Variants in LRRTM4 observed in about 807,000 individuals in gnomAD.
LRRTM4 encodes the protein leucine rich repeat transmembrane neuronal 4.
In LRRTM4, 25 loss-of-function variants were observed where a neutral mutation model predicts 47.6. The observed-to-expected ratio is 0.53, with a 90% CI of 0.38 to 0.73. The LOEUF is 0.73. Among genes scored for constraint, LRRTM4 ranks in the 30% least tolerant of loss-of-function variants. LRRTM4 has a pLI of 0.00. For synonymous variants in LRRTM4, 311 were observed against 269.5 expected (o/e 1.15, Z -1.51); for missense variants, 638 against 713.4 (o/e 0.89, Z 1.20).
chr2:76,749,146 T>C (rs1197483043), intron 3 of LRRTM4, among the ~76,000 whole-genome samples: 2 of 152,234 alleles, frequency 1.3e-5, no homozygotes, highest in Admixed American at 1.3e-4. Flanking sequence ...TTTCAACTTT[T>C]CATTGCTCTA....
chr2:77,154,481 G>A (rs1387047733), intron 3 of LRRTM4, among the ~76,000 whole-genome samples: 1 of 152,066 alleles, frequency 6.6e-6, no homozygotes, highest in Non-Finnish European at 1.5e-5. Flanking sequence ...ACTAGTATAG[G>A]CATGGACATA....
At chr2:76,938,494 T>C (rs904900129) in intron 3 of LRRTM4, among the ~76,000 whole-genome samples, 10 of 152,186 alleles carry the variant, frequency 6.6e-5, no homozygotes, top group South Asian at 6.2e-4. Context: ...AATTGCTTTT[T>C]ATTGTTTGTA....
chr2:77,407,707 TATATC>T (rs1674265933), intron 3 of LRRTM4, among the ~76,000 whole-genome samples: 1 of 131,624 alleles, frequency 7.6e-6, no homozygotes, highest in Non-Finnish European at 1.6e-5. Context: ...ATATATATAA[TATATC>T]ATATATTATA....
intron 3 of LRRTM4, among the ~76,000 whole-genome samples, chr2:76,806,586 C>T (rs1046999107): frequency 1.5e-4 from 21 of 139,508 alleles, no homozygotes; most frequent in African/African-American, 5.9e-4. Context: ...CGTCTCAAAA[C>T]ATTTTTTTTA....
chr2:76,809,043 C>A (rs1670649355), intron 3 of LRRTM4, among the ~76,000 whole-genome samples: 1 of 152,080 alleles, frequency 6.6e-6, no homozygotes, highest in African/African-American at 2.4e-5. Context: ...TTATCTTTCT[C>A]CATGATCTTC....
intron 3 of LRRTM4, among the ~76,000 whole-genome samples, chr2:76,778,799 C>T (rs557502895): frequency 2.7e-5 from 4 of 150,634 alleles, no homozygotes; most frequent in African/African-American, 9.8e-5. Flanking sequence ...TTGCCTTCTG[C>T]TAGCTTTTGA....
intron 3 of LRRTM4, among the ~76,000 whole-genome samples, chr2:77,283,864 T>C (rs994890205): frequency 6.6e-6 from 1 of 152,010 alleles, no homozygotes; most frequent in Admixed American, 6.6e-5. Flanking sequence ...AAACTACCTA[T>C]TGATCATTAT....
intron 3 of LRRTM4, among the ~76,000 whole-genome samples, chr2:77,293,287 A>G (rs1676880656): frequency 6.6e-6 from 1 of 152,170 alleles, no homozygotes; most frequent in African/African-American, 2.4e-5. Flanking sequence ...TTTTATGCCA[A>G]TACAAACATA....
chr2:77,085,263 T>C (rs977293281), intron 3 of LRRTM4, among the ~76,000 whole-genome samples: 2 of 152,016 alleles, frequency 1.3e-5, no homozygotes, highest in Admixed American at 6.6e-5. Context: ...ATTAATTTCA[T>C]AGTAAGCCTT....
In LRRTM4 at chr2:76,832,785, A is replaced by G. The variant is rs527568917; in HGVS notation, c.1552-83869T>C. Reference sequence around the variant, plus strand: ...AAAAACTTCTAAAACAAAGAGAACTATAAGTTTATAGATATGAATGATGAC... The same window carrying G: ...AAAAACTTCTAAAACAAAGAGAACTGTAAGTTTATAGATATGAATGATGAC... On this transcript the variant is annotated intron_variant, in intron 3 of 3. Coordinates refer to ENST00000409884, the MANE Select transcript of LRRTM4 (RefSeq NM_001134745.3). Among the ~76,000 whole-genome samples the G allele has an allele frequency of 5.9e-5, 9 of 152,066 alleles. No individual in the cohort carries two copies. The South Asian group carries it at 1.0e-3, about 17-fold the overall frequency.
At chr2:77,213,275 C>T (rs1251454545) in intron 3 of LRRTM4, among the ~76,000 whole-genome samples, 1 of 152,044 alleles carries the variant, frequency 6.6e-6, no homozygotes, top group East Asian at 1.9e-4. Context: ...GCCAAGTTGA[C>T]AGCAAATTTC....
At chr2:77,136,768 G>C (rs1362479876) in intron 3 of LRRTM4, among the ~76,000 whole-genome samples, 1 of 150,328 alleles carries the variant, frequency 6.7e-6, no homozygotes, top group Admixed American at 6.6e-5. Flanking sequence ...AACCAGTGTA[G>C]AGAAGTCCTT....
At chr2:76,976,175 G>C (rs1163837300) in intron 3 of LRRTM4, among the ~76,000 whole-genome samples, 1 of 151,562 alleles carries the variant, frequency 6.6e-6, no homozygotes, top group Non-Finnish European at 1.5e-5. Context: ...AAGCAATGTT[G>C]TTACCAAACT....
chr2:76,905,538 G>A (rs1376244667), intron 3 of LRRTM4, among the ~76,000 whole-genome samples: 3 of 151,962 alleles, frequency 2.0e-5, no homozygotes, highest in Non-Finnish European at 2.9e-5. Flanking sequence ...GGCTTCAGAC[G>A]ATCAAACTAC....
chr2:77,069,803 G>T (rs1337649978), intron 3 of LRRTM4, among the ~76,000 whole-genome samples: 1 of 152,106 alleles, frequency 6.6e-6, no homozygotes, highest in Admixed American at 6.6e-5. Context: ...GTTTTACAAA[G>T]ATCTTATGGA....
intron 3 of LRRTM4, among the ~76,000 whole-genome samples, chr2:76,774,794 C>A (rs1479960180): frequency 6.6e-6 from 1 of 152,122 alleles, no homozygotes; most frequent in Admixed American, 6.5e-5. Context: ...CTATAGAGTA[C>A]CAATATTTTT....
intron 3 of LRRTM4, among the ~76,000 whole-genome samples, chr2:76,959,923 TTAG>T: frequency 6.6e-6 from 1 of 151,842 alleles, no homozygotes; most frequent in East Asian, 2.0e-4. Flanking sequence ...CTGGTCATTA[TTAG>T]TGGTATTACT....
intron 3 of LRRTM4, among the ~76,000 whole-genome samples, chr2:77,486,576 T>C (rs2104031442): frequency 6.6e-6 from 1 of 152,270 alleles, no homozygotes; most frequent in Non-Finnish European, 1.5e-5. Context: ...TTAACCAAAT[T>C]TTAAAAATTA....
intron 3 of LRRTM4, among the ~76,000 whole-genome samples, chr2:77,493,769 T>C (rs1425606532): frequency 6.6e-6 from 1 of 152,028 alleles, no homozygotes; most frequent in East Asian, 1.9e-4. Flanking sequence ...ATCAATGAAA[T>C]AAGTATCCAT....
Sources: gnomAD v4.1 joint callset for allele counts (sites outside exome capture counted in the v4.1 genomes callset) on GRCh38, gnomAD v4.1.1 for gene constraint, MANE v1.5 for transcripts, NCBI Gene and HGNC (gene_info 2026-07-23, HGNC 2026-07-21) for gene names.